IMPG1: variants seen among roughly 807,000 people sequenced by gnomAD.
IMPG1 encodes interphotoreceptor matrix proteoglycan of 150 kDa.
A neutral mutation model predicts 92.0 loss-of-function variants in IMPG1; 85 were observed. The observed-to-expected ratio is 0.92, with a 90% CI of 0.78 to 1.11. The LOEUF (loss-of-function observed/expected upper bound fraction) is 1.11. Among genes scored for constraint, IMPG1 ranks in the 50% least tolerant of loss-of-function variants. The pLI is 0.00. For missense variants in IMPG1, 1,022 were observed against 956.0 expected (o/e 1.07, Z -0.91); for synonymous variants, 367 against 334.1 (o/e 1.10, Z -1.08).
chr6:75,923,529 G>GTATC, intron 16 of IMPG1, 105 bp downstream of exon 16: 2 of 673,586 alleles, frequency 3.0e-6, no homozygotes, highest in South Asian at 3.4e-5. Flanking sequence ...AAAATAAAAA[G>GTATC]TATCTTGCTT....
chr6:75,936,117 C>T (rs141863894), intron 14 of IMPG1, among the ~76,000 whole-genome samples: 224 of 152,304 alleles, frequency 1.5e-3, no homozygotes, highest in African/African-American at 4.6e-3. Flanking sequence ...AGTGCCCTAG[C>T]GGGGAAAGCC....
chr6:75,921,189 T>C lies in IMPG1; in HGVS notation c.*900A>G, dbSNP rs916145506. On this transcript the variant is annotated 3_prime_UTR_variant, in exon 17 of 17. Coordinates refer to ENST00000369950, the MANE Select transcript of IMPG1 (RefSeq NM_001563.4). ...CTGATATTAGAACATTTGAAAGAGA[T>C]AGAGACAGATTCATTTTCATTAAGC... The C allele has an allele frequency of 6.6e-6, 1 of 152,210 alleles. No individual in the cohort carries two copies. The highest frequency in any genetic ancestry group is 2.4e-5 in the African/African-American group (1 of 41,522). The allele number at this position is 152,210 out of a possible 1,614,324, so 9.4% of individuals were successfully genotyped here. A position where few individuals can be genotyped will look rare whatever the true frequency, so the allele number is the denominator to read the frequency against.
At chr6:75,996,158 T>C (rs1782898541) in intron 12 of IMPG1, among the ~76,000 whole-genome samples, 1 of 152,190 alleles carries the variant, frequency 6.6e-6, no homozygotes, top group Non-Finnish European at 1.5e-5. Flanking sequence ...TCTAAAGATG[T>C]GCAGAGAATC....
intron 12 of IMPG1, among the ~76,000 whole-genome samples, chr6:75,965,694 C>T (rs569211289): frequency 6.2e-5 from 9 of 146,226 alleles, no homozygotes; most frequent in East Asian, 2.0e-4. Context: ...CTGCAAGCTC[C>T]GCCTCTGGGT....
chr6:75,923,567 A>G, intron 16 of IMPG1, 67 bp downstream of exon 16: 1 of 764,516 alleles, frequency 1.3e-6, no homozygotes, highest in Non-Finnish European at 2.3e-6. Context: ...GAGGGACATA[A>G]ATGTTTTTAA....
At chr6:75,987,870 A>G (rs1221964600) in intron 12 of IMPG1, among the ~76,000 whole-genome samples, 1 of 151,894 alleles carries the variant, frequency 6.6e-6, no homozygotes, top group African/African-American at 2.4e-5. Flanking sequence ...GATGGTTTCG[A>G]TCTCCTGACC....
chr6:75,945,475 C>T (rs544554356), intron 14 of IMPG1, among the ~76,000 whole-genome samples: 4 of 151,756 alleles, frequency 2.6e-5, no homozygotes, highest in African/African-American at 7.3e-5. Context: ...ATCAGCCTCC[C>T]GAATAGCTGG....
chr6:75,957,814 G>A (rs1322936306), intron 12 of IMPG1, among the ~76,000 whole-genome samples: 1 of 152,122 alleles, frequency 6.6e-6, no homozygotes, highest in African/African-American at 2.4e-5. Flanking sequence ...CATGTGAAAT[G>A]GGTCTCCTGA....
chr6:76,044,435 C>T (rs1431765367), intron 1 of IMPG1, among the ~76,000 whole-genome samples: 3 of 152,166 alleles, frequency 2.0e-5, no homozygotes, highest in Admixed American at 6.5e-5. Context: ...CCATTCTTCT[C>T]ACTGTGCCTG....
chr6:75,949,262 G>A (rs1781985168), intron 13 of IMPG1, among the ~76,000 whole-genome samples: 1 of 152,122 alleles, frequency 6.6e-6, no homozygotes, highest in African/African-American at 2.4e-5. Context: ...ACAAGACACA[G>A]GTCATAAAGA....
At chr6:75,967,688 C>CA (rs1562351865) in intron 12 of IMPG1, among the ~76,000 whole-genome samples, 2 of 151,890 alleles carry the variant, frequency 1.3e-5, no homozygotes, top group African/African-American at 4.8e-5. Flanking sequence ...CAAAACAAAA[C>CA]AAAAAACATG....
intron 12 of IMPG1, among the ~76,000 whole-genome samples, chr6:76,000,008 G>T (rs916066236): frequency 1.3e-5 from 2 of 152,194 alleles, no homozygotes; most frequent in African/African-American, 4.8e-5. Context: ...CAGCAGGAAG[G>T]TTCATGTGGA....
intron 14 of IMPG1, chr6:75,935,130 T>C (rs1262035480): frequency 4.7e-6 from 2 of 428,080 alleles, no homozygotes; most frequent in South Asian, 3.4e-5. Context: ...AAGAGTAGAC[T>C]TCGGGAATGA....
chr6:76,043,408 A>C (rs961530857), intron 1 of IMPG1, among the ~76,000 whole-genome samples: 2 of 152,184 alleles, frequency 1.3e-5, no homozygotes, highest in South Asian at 4.1e-4. Flanking sequence ...AAGTCCCTCA[A>C]TATTGTAGAG....
intron 14 of IMPG1, among the ~76,000 whole-genome samples, chr6:75,934,421 C>T (rs1455843424): frequency 6.6e-6 from 1 of 152,196 alleles, no homozygotes; most frequent in Admixed American, 6.5e-5. Context: ...GATTTGCTTA[C>T]ATAATGTCTT....
intron 12 of IMPG1, among the ~76,000 whole-genome samples, chr6:75,984,916 C>A (rs969077750): frequency 6.6e-6 from 1 of 152,132 alleles, no homozygotes; most frequent in Non-Finnish European, 1.5e-5. Flanking sequence ...TGATTACAAG[C>A]TTCCCTAGAC....
intron 12 of IMPG1, among the ~76,000 whole-genome samples, chr6:75,974,650 A>G (rs529161859): frequency 7.9e-4 from 119 of 151,264 alleles, no homozygotes; most frequent in Non-Finnish European, 1.4e-3. Context: ...CATTTTTGGT[A>G]GAGATGGGGT....
At chr6:76,004,052 T>A in intron 10 of IMPG1, 102 bp from the exon 11 acceptor site, 1 of 776,984 alleles carries the variant, frequency 1.3e-6, no homozygotes, top group Non-Finnish European at 2.1e-6. Flanking sequence ...TAACCAATCC[T>A]TAAGGAGTAG....
chr6:76,033,022 A>G (rs1783677528), intron 4 of IMPG1, among the ~76,000 whole-genome samples: 1 of 152,152 alleles, frequency 6.6e-6, no homozygotes, highest in Admixed American at 6.5e-5. Flanking sequence ...ATTATTTATG[A>G]AGTTGTGTGA....
Sources: gnomAD v4.1 joint callset for allele counts (sites outside exome capture counted in the v4.1 genomes callset) on GRCh38, gnomAD v4.1.1 for gene constraint, MANE v1.5 for transcripts, NCBI Gene and HGNC (gene_info 2026-07-23, HGNC 2026-07-21) for gene names.